Variants in PCDH15 observed in about 807,000 individuals in gnomAD.
PCDH15 encodes the protein protocadherin-15.
Under a neutral mutation model 178.5 loss-of-function variants are expected in PCDH15, and 129 were observed. The observed-to-expected ratio is 0.72, with a 90% CI of 0.63 to 0.84. The LOEUF (loss-of-function observed/expected upper bound fraction) is 0.84, where lower values mean the gene tolerates loss of function less well. PCDH15 is among the 40% of genes least tolerant of loss of function. The pLI is 0.00. For missense variants in PCDH15, 2,230 were observed against 2,099.9 expected, an observed-to-expected ratio of 1.06 and a Z score of -1.21; for synonymous variants, 800 against 732.0, an observed-to-expected ratio of 1.09 and a Z score of -1.50.
chr10:54,421,882 ATACACACACACAC>A (rs1177664283), intron 3 of PCDH15, among the ~76,000 whole-genome samples: 1 of 63,130 alleles, frequency 1.6e-5, no homozygotes, highest in Non-Finnish European at 3.1e-5. Context: ...ATATATATAT[ATACACACACACAC>A]TATATATATA....
chr10:54,603,024 ATAT>A (rs1252900984), intron 2 of PCDH15, among the ~76,000 whole-genome samples: 2 of 152,046 alleles, frequency 1.3e-5, no homozygotes, highest in Non-Finnish European at 2.9e-5. Context: ...AGTTTAAGAA[ATAT>A]TATTAATTCT....
At chr10:55,206,998 T>C (rs1840420672) in intron 1 of PCDH15, among the ~76,000 whole-genome samples, 1 of 151,964 alleles carries the variant, frequency 6.6e-6, no homozygotes, top group African/African-American at 2.4e-5. Context: ...TCTCTTTCTC[T>C]TTCTCTTTGT....
chr10:54,835,306 T>C (rs1195786061), intron 3 of PCDH15, among the ~76,000 whole-genome samples: 1 of 152,124 alleles, frequency 6.6e-6, no homozygotes, highest in East Asian at 1.9e-4. Context: ...AACCCACAAA[T>C]TTGTCATTTA....
chr10:55,414,732 T>C (rs1487674828), intron 2 of PCDH15, among the ~76,000 whole-genome samples: 1 of 151,142 alleles, frequency 6.6e-6, no homozygotes, highest in Non-Finnish European at 1.5e-5. Context: ...TTTTGTGTCC[T>C]GTAACTTTAC....
intron 2 of PCDH15, among the ~76,000 whole-genome samples, chr10:55,527,699 TA>T (rs1329407735): frequency 1.3e-5 from 2 of 151,970 alleles, no homozygotes; most frequent in African/African-American, 4.8e-5. Context: ...AGAGAAAGAA[TA>T]AAAACAAAAC....
chr10:54,023,048 C>T lies in PCDH15; in HGVS notation c.2370G>A (p.Val790=), dbSNP rs2092973882. ...GAGGGTGTACTGCTCCATCTGTTGC[C>T]ACAACAACAAGTTCATAGTAGTCCC... is the stretch of plus-strand genomic sequence containing the variant. ...EVRDYYELVV[V]ATDGAVHPRH... Residue 790 remains valine, a synonymous_variant, in exon 19 of 38, where the codon GTG becomes GTA. Transcript: ENST00000644397. The T allele has an allele frequency of 5.6e-6, 9 of 1,613,888 alleles. No homozygotes were observed. The highest frequency in any genetic ancestry group is 1.1e-5 in the South Asian group (1 of 91,074).
intron 3 of PCDH15, among the ~76,000 whole-genome samples, chr10:54,463,930 T>C (rs1230575646): frequency 6.6e-6 from 1 of 152,124 alleles, no homozygotes; most frequent in East Asian, 1.9e-4. Flanking sequence ...AAACAACATG[T>C]GTGAACAAGG....
At chr10:53,854,303 T>C (rs1364407153) in intron 28 of PCDH15, among the ~76,000 whole-genome samples, 2 of 151,966 alleles carry the variant, frequency 1.3e-5, no homozygotes, top group Non-Finnish European at 1.5e-5. Flanking sequence ...CAAATTTCAG[T>C]TGTGCAAAAT....
chr10:55,059,748 G>C (rs1841385446), intron 2 of PCDH15, among the ~76,000 whole-genome samples: 1 of 152,046 alleles, frequency 6.6e-6, no homozygotes, highest in Non-Finnish European at 1.5e-5. Context: ...AGAACATAAT[G>C]CCTGTAAAAT....
At chr10:53,852,699 C>G (rs1388039652) in intron 28 of PCDH15, among the ~76,000 whole-genome samples, 1 of 151,866 alleles carries the variant, frequency 6.6e-6, no homozygotes, top group Non-Finnish European at 1.5e-5. Context: ...CTCATTTGTA[C>G]TGATTACATA....
In PCDH15 at chr10:54,270,046, A is replaced by G. The variant is rs182299286; in HGVS notation, c.877-33115T>C. On this transcript the variant is annotated intron_variant, in intron 8 of 37. Transcript: ENST00000644397. ...ATTTATCTTTGATCTCTTTTAACAC[A>G]CTGTACTAGGTGGTAATAAAATAAA... Among the ~76,000 whole-genome samples, 222 of 152,130 alleles carry G rather than the reference A, an allele frequency of 1.5e-3. 1 individual carries two copies. Among genetic ancestry groups the G allele is most frequent in the Middle Eastern group, 6.8e-3 (2 of 294 alleles).
chr10:55,294,572 T>A (rs1426996703), intron 1 of PCDH15, among the ~76,000 whole-genome samples: 1 of 152,192 alleles, frequency 6.6e-6, no homozygotes, highest in African/African-American at 2.4e-5. Context: ...AATGTATTAT[T>A]TTTGTTATTA....
chr10:54,466,754 G>A (rs965132225), intron 3 of PCDH15, among the ~76,000 whole-genome samples: 1 of 151,906 alleles, frequency 6.6e-6, no homozygotes, highest in African/African-American at 2.4e-5. Context: ...GATTGTTTTG[G>A]TATGGTCACT....
At chr10:54,787,271 G>GAAA (rs5785091) in intron 1 of PCDH15, among the ~76,000 whole-genome samples, 1 of 149,166 alleles carries the variant, frequency 6.7e-6, no homozygotes, top group Non-Finnish European at 1.5e-5. Context: ...AGATAAAAAG[G>GAAA]AAAAAAAAAC....
intron 3 of PCDH15, among the ~76,000 whole-genome samples, chr10:54,872,705 C>G (rs1179585597): frequency 6.6e-6 from 1 of 152,048 alleles, no homozygotes; most frequent in Non-Finnish European, 1.5e-5. Flanking sequence ...GCTCGATATA[C>G]TTAGATTATG....
At chr10:54,523,171 C>A (rs1004167452) in intron 3 of PCDH15, among the ~76,000 whole-genome samples, 2 of 152,116 alleles carry the variant, frequency 1.3e-5, no homozygotes, top group Non-Finnish European at 2.9e-5. Context: ...AATGGAGAAT[C>A]TAGAAAGCAA....
At chr10:55,567,263 A>G (rs1322695274) in intron 2 of PCDH15, among the ~76,000 whole-genome samples, 1 of 151,958 alleles carries the variant, frequency 6.6e-6, no homozygotes, top group Non-Finnish European at 1.5e-5. Flanking sequence ...ACTTAACACC[A>G]TATACAAAAA....
intron 3 of PCDH15, among the ~76,000 whole-genome samples, chr10:54,502,117 A>T (rs866038964): frequency 6.6e-6 from 1 of 152,040 alleles, no homozygotes; most frequent in Middle Eastern, 3.4e-3. Context: ...ACAAGTGTGG[A>T]ATGAGAATGC....
At chr10:54,250,460 T>G (rs2056386359) in intron 8 of PCDH15, among the ~76,000 whole-genome samples, 1 of 151,524 alleles carries the variant, frequency 6.6e-6, no homozygotes, top group Non-Finnish European at 1.5e-5. Flanking sequence ...TTTTTTCGTA[T>G]TTTTAGTAGA....
Sources: allele counts gnomAD v4.1 joint callset (sites outside exome capture counted in the v4.1 genomes callset), GRCh38; gene constraint gnomAD v4.1.1; transcripts MANE v1.5; gene names NCBI Gene and HGNC (gene_info 2026-07-23, HGNC 2026-07-21).